The following ZMYND11 variants were observed in gnomAD, a reference collection of about 807,000 sequenced individuals.
The protein encoded by ZMYND11 is zinc finger MYND-type containing 11.
Under a neutral mutation model 84.9 loss-of-function variants are expected in ZMYND11, and 9 were observed. The ratio of observed to expected loss-of-function variants is 0.11; its 90% CI spans 0.06 to 0.18. The LOEUF is 0.18. ZMYND11 is among the 10% of genes least tolerant of loss of function. ZMYND11 has a pLI of 1.00. For synonymous variants in ZMYND11, 250 were observed against 244.1 expected, an observed-to-expected ratio of 1.02 and a Z score of -0.23; for missense variants, 409 against 761.0, an observed-to-expected ratio of 0.54 and a Z score of 5.44.
intron 3 of ZMYND11, among the ~76,000 whole-genome samples, chr10:216,853 A>G (rs1946268781): frequency 1.3e-5 from 2 of 152,124 alleles, no homozygotes; most frequent in Non-Finnish European, 2.9e-5. Context: ...TGCACTGAGC[A>G]ATGTTGTAAT....
chr10:247,927 T>C (rs1032331894), intron 12 of ZMYND11, among the ~76,000 whole-genome samples: 2 of 152,244 alleles, frequency 1.3e-5, no homozygotes, highest in Non-Finnish European at 1.5e-5. Flanking sequence ...TTCAAACACA[T>C]ATTCAGTGAG....
chr10:202,656 ACT>A lies in ZMYND11; in HGVS notation c.117-7227_117-7226del, dbSNP rs1943430729. 5.3e-5 allele frequency among the ~76,000 whole-genome samples: 8 copies of A among 152,064 alleles called. No individual in the cohort carries two copies. In the South Asian group the frequency reaches 1.7e-3, roughly 32 times the overall value. The stretch of plus-strand genomic sequence containing the variant: ...TAGTTGCGACTCATCCTTCAGCCAT[ACT>A]CTCTCCTGACCTTCATCTGTGAAAG... On this transcript the variant is annotated intron_variant, in intron 2 of 14. Transcript: ENST00000381604.
chr10:206,484 T>C (rs1396623277), intron 2 of ZMYND11, among the ~76,000 whole-genome samples: 2 of 152,262 alleles, frequency 1.3e-5, no homozygotes, highest in African/African-American at 4.8e-5. Flanking sequence ...TAATTTTATA[T>C]TTCTGTCAGT....
At chr10:228,458 T>C (rs1948481865) in intron 4 of ZMYND11, among the ~76,000 whole-genome samples, 1 of 152,242 alleles carries the variant, frequency 6.6e-6, no homozygotes, top group Admixed American at 6.5e-5. Flanking sequence ...GAAAGCTCAC[T>C]CAGTGTTTCC....
At chr10:242,199 T>C (rs766156320) in intron 10 of ZMYND11, 60 bp downstream of exon 10, 31 of 1,578,728 alleles carry the variant, frequency 2.0e-5, no homozygotes, top group Non-Finnish European at 2.4e-5. Context: ...TTAAGAAAGT[T>C]TGATGATTTC....
At chr10:151,165 C>T (rs533256268) in intron 1 of ZMYND11, among the ~76,000 whole-genome samples, 9 of 152,278 alleles carry the variant, frequency 5.9e-5, no homozygotes, top group African/African-American at 2.2e-4. Flanking sequence ...AGCACCTCTC[C>T]CCCTCCAAAG....
chr10:143,502 C>T (rs1346458872), intron 1 of ZMYND11, among the ~76,000 whole-genome samples: 1 of 152,066 alleles, frequency 6.6e-6, no homozygotes, highest in African/African-American at 2.4e-5. Context: ...AATATACCTA[C>T]TTTCACTGCC....
upstream of ZMYND11, among the ~76,000 whole-genome samples, chr10:134,061 GC>G (rs1554750807): frequency 6.6e-6 from 1 of 152,084 alleles, no homozygotes; most frequent in African/African-American, 2.4e-5. Context: ...GGGGACACGT[GC>G]CAAGACGGCC....
intron 3 of ZMYND11, among the ~76,000 whole-genome samples, chr10:213,986 A>G (rs1945726902): frequency 1.3e-5 from 2 of 152,190 alleles, no homozygotes; most frequent in Non-Finnish European, 2.9e-5. Flanking sequence ...ATGTCAGGAT[A>G]TAGTTATAAA....
chr10:252,528 G>A lies in ZMYND11; in HGVS notation c.*58G>A, dbSNP rs1033462728. 1.3e-6 allele frequency: 2 copies of A among 1,531,212 alleles called. No individual in the cohort carries two copies. Among genetic ancestry groups the A allele is most frequent in the Non-Finnish European group, 1.8e-6 (2 of 1,141,068 alleles). 94.9% of individuals were successfully genotyped at this position (1,531,212 alleles called of 1,614,324 possible). A position where few individuals can be genotyped will look rare whatever the true frequency, so the allele number is the denominator to read the frequency against. On this transcript the variant is annotated 3_prime_UTR_variant, in exon 15 of 15. Transcript: ENST00000381604. The surrounding 1 kb of genome is among the most constrained non-coding windows in gnomAD (Gnocchi z 4.6). The stretch of plus-strand genomic sequence containing the variant: ...ACTCTTTTCAGACACAGCGGTTTTT[G>A]TTTCCAAGAAGCCAAAATTGTTTAG...
intron 1 of ZMYND11, among the ~76,000 whole-genome samples, chr10:176,499 AG>A (rs1846656553): frequency 6.6e-6 from 1 of 152,156 alleles, no homozygotes. Flanking sequence ...GCTGAAAAAA[AG>A]TGAATTTAAT....
intron 3 of ZMYND11, among the ~76,000 whole-genome samples, chr10:212,104 C>T (rs1236178737): frequency 6.6e-6 from 1 of 152,086 alleles, no homozygotes; most frequent in Non-Finnish European, 1.5e-5. Flanking sequence ...TACATTTTTT[C>T]ATAAAAGCGA....
At chr10:198,224 G>T (rs1360776313) in intron 2 of ZMYND11, among the ~76,000 whole-genome samples, 1 of 151,956 alleles carries the variant, frequency 6.6e-6, no homozygotes, top group Admixed American at 6.6e-5. Context: ...TGAAAACTTT[G>T]CCTGTTATTT....
At chr10:174,720 C>T (rs1232898040) in intron 1 of ZMYND11, among the ~76,000 whole-genome samples, 1 of 151,872 alleles carries the variant, frequency 6.6e-6, no homozygotes, top group Non-Finnish European at 1.5e-5. Context: ...ACTACAGTGG[C>T]ACATGCTTGT....
intron 1 of ZMYND11, among the ~76,000 whole-genome samples, chr10:166,878 T>C (rs1256466471): frequency 6.6e-6 from 1 of 152,064 alleles, no homozygotes; most frequent in African/African-American, 2.4e-5. Context: ...GATAAACAAA[T>C]TGTGATTTAT....
At chr10:165,568 C>T (rs1369940631) in intron 1 of ZMYND11, among the ~76,000 whole-genome samples, 1 of 152,108 alleles carries the variant, frequency 6.6e-6, no homozygotes, top group African/African-American at 2.4e-5. Flanking sequence ...CTTCTGCAAA[C>T]TTAGTCTCCA....
chr10:184,705 G>A (rs543176402), intron 2 of ZMYND11, among the ~76,000 whole-genome samples: 10 of 152,206 alleles, frequency 6.6e-5, no homozygotes, highest in African/African-American at 2.4e-4. Context: ...ATTCTGCTGC[G>A]TGTGCCATAG....
At position 151,552 on chromosome 10, in the gene ZMYND11, A is replaced by G. The variant is rs546593870; in HGVS notation, c.-20+15993A>G. On this transcript the variant is annotated intron_variant, in intron 1 of 14. Coordinates refer to ENST00000381604, the MANE Select transcript of ZMYND11 (RefSeq NM_001370100.5). ...AAGAAATGAGCAAAGTCTTCGAGAA[A>G]TATGGGACTATGTGAAAAGACCAAA... is the stretch of plus-strand genomic sequence containing the variant. Among the ~76,000 whole-genome samples, 396 of 152,352 alleles carry G rather than the reference A, an allele frequency of 2.6e-3. 3 individuals carry two copies. Among genetic ancestry groups the G allele is most frequent in the African/African-American group, 9.1e-3 (380 of 41,578 alleles).
chr10:211,610 C>T (rs956279642), intron 3 of ZMYND11, among the ~76,000 whole-genome samples: 7 of 152,136 alleles, frequency 4.6e-5, no homozygotes, highest in Admixed American at 1.3e-4. Flanking sequence ...ACTTCTTTAA[C>T]TTTGTTTTTG....
Sources: allele counts gnomAD v4.1 joint callset (sites outside exome capture counted in the v4.1 genomes callset), GRCh38; gene constraint gnomAD v4.1.1; non-coding constraint Gnocchi (gnomAD v3.1); transcripts MANE v1.5; gene names NCBI Gene and HGNC (gene_info 2026-07-23, HGNC 2026-07-21).